The following ZMYM5 variants were observed in gnomAD, a reference collection of about 807,000 sequenced individuals.
ZMYM5 encodes the protein zinc finger MYM-type protein 5.
ZMYM5 carries 41 observed loss-of-function variants against 61.8 expected under a neutral mutation model. The ratio of observed to expected loss-of-function variants is 0.66; its 90% CI spans 0.52 to 0.86. The LOEUF (loss-of-function observed/expected upper bound fraction) is 0.86. Ranked by LOEUF, ZMYM5 falls within the 40% of genes least tolerant of loss-of-function variation. The pLI, the probability that ZMYM5 is intolerant of heterozygous loss-of-function variation, is 0.00. For missense variants in ZMYM5, 706 were observed against 786.7 expected, an observed-to-expected ratio of 0.90 and a Z score of 1.23; for synonymous variants, 257 against 276.4, an observed-to-expected ratio of 0.93 and a Z score of 0.70.
At chr13:19,861,189 C>T (rs866756867) in intron 2 of ZMYM5, among the ~76,000 whole-genome samples, 7 of 151,998 alleles carry the variant, frequency 4.6e-5, no homozygotes, top group Non-Finnish European at 8.8e-5. Context: ...CTCTTTGTTG[C>T]CCAGGCTGGA....
intron 2 of ZMYM5, among the ~76,000 whole-genome samples, chr13:19,860,627 G>A (rs551503608): frequency 8.6e-5 from 13 of 151,674 alleles, no homozygotes; most frequent in Non-Finnish European, 1.6e-4. Flanking sequence ...TAGTAGAGAC[G>A]GGGTTTCACC....
chr13:19,835,376 A>G, intron 7 of ZMYM5, 101 bp downstream of exon 7: 1 of 828,234 alleles, frequency 1.2e-6, no homozygotes, highest in Non-Finnish European at 1.7e-6. Flanking sequence ...AGAATGGCAA[A>G]ATGGAATTAA....
intron 6 of ZMYM5, among the ~76,000 whole-genome samples, chr13:19,836,494 G>A (rs1419240863): frequency 2.6e-5 from 4 of 152,018 alleles, no homozygotes; most frequent in African/African-American, 7.2e-5. Context: ...ACCCTGGCTG[G>A]AAAGCAGTGG....
intron 4 of ZMYM5, among the ~76,000 whole-genome samples, chr13:19,840,670 G>A (rs1231883666): frequency 2.0e-5 from 3 of 151,862 alleles, no homozygotes; most frequent in Non-Finnish European, 4.4e-5. Context: ...CACCACACCT[G>A]GCCACTTTTT....
chr13:19,859,963 A>G (rs150646989), intron 2 of ZMYM5, among the ~76,000 whole-genome samples: 1 of 149,208 alleles, frequency 6.7e-6, no homozygotes, highest in African/African-American at 2.4e-5. Flanking sequence ...CAATTAGCCA[A>G]CGTGGTGGCA....
At chr13:19,859,387 C>G (rs1284298190) in intron 2 of ZMYM5, among the ~76,000 whole-genome samples, 1 of 151,948 alleles carries the variant, frequency 6.6e-6, no homozygotes, top group Non-Finnish European at 1.5e-5. Flanking sequence ...TTTTAGTTCC[C>G]GTTTTTTGTT....
At chr13:19,850,235 A>C (rs1953238357) in intron 4 of ZMYM5, among the ~76,000 whole-genome samples, 1 of 152,218 alleles carries the variant, frequency 6.6e-6, no homozygotes, top group African/African-American at 2.4e-5. Flanking sequence ...CTAAAAATAC[A>C]GTTCCTTGAT....
chr13:19,835,432 A>C, intron 7 of ZMYM5, 45 bp downstream of exon 7: 1 of 1,243,920 alleles, frequency 8.0e-7, no homozygotes. Flanking sequence ...GTAAGGGTGA[A>C]GCTACTATAT....
At position 19,835,671 on chromosome 13, in the gene ZMYM5, C is replaced by G. The variant is rs566948933; in HGVS notation, c.1057G>C (p.Val353Leu). 1.5e-6 allele frequency: 2 copies of G among 1,367,396 alleles called. No individual in the cohort carries two copies. Among genetic ancestry groups the G allele is most frequent in the Non-Finnish European group, 2.0e-6 (2 of 1,021,806 alleles). 84.7% of individuals were successfully genotyped at this position (1,367,396 alleles called of 1,614,324 possible). Residue 353 changes from valine to leucine, a missense_variant, in exon 7 of 8, where the codon GTA (valine) becomes CTA (leucine). Physicochemically the swap from Val to Leu is conservative, Grantham distance 32. This residue lies in a region of ZMYM5 where 480 missense variants were observed against 461.7 expected (regional missense o/e 1.04). Transcript: ENST00000337963. The stretch of plus-strand genomic sequence containing the variant: ...CACAGTTTATGTGTTACATTATTTA[C>G]GCTGACTTCATGGCGAATCTAAAAG... ...KLAEIRHEVS[V>L]NNVTHKLCSN...
chr13:19,840,253 G>A (rs1267174877), intron 4 of ZMYM5, among the ~76,000 whole-genome samples: 4 of 152,174 alleles, frequency 2.6e-5, no homozygotes, highest in African/African-American at 9.6e-5. Flanking sequence ...AGCCTAGGCA[G>A]GGTGCAATGG....
chr13:19,843,199 C>T (rs1952942905), intron 4 of ZMYM5, among the ~76,000 whole-genome samples: 1 of 149,446 alleles, frequency 6.7e-6, no homozygotes, highest in African/African-American at 2.5e-5. Context: ...CTCACTGCAA[C>T]CTCCACCTCC....
intron 3 of ZMYM5, 74 bp downstream of exon 3, chr13:19,851,615 G>A: frequency 6.5e-7 from 1 of 1,543,538 alleles, no homozygotes; most frequent in Non-Finnish European, 8.7e-7. Flanking sequence ...TGTTTCTAAG[G>A]TTGTAACATT....
Position 19,851,357 on chromosome 13 carries a change from G to A in ZMYM5, c.584C>T (p.Pro195Leu). Residue 195 changes from proline (P) to leucine (L), a missense_variant and splice_region_variant, in exon 4 of 8, where the codon CCT becomes CTT. Pro to Leu is a moderately conservative substitution (Grantham distance 98, BLOSUM62 -3). Coordinates refer to ENST00000337963, the MANE Select transcript of ZMYM5 (RefSeq NM_001142684.2). Reference sequence around the variant, plus strand: ...AAACAGTATCACTTACTGCTTACCAGGACTATGATGAGTTGCAAATTCTCC... The same window carrying A: ...AAACAGTATCACTTACTGCTTACCAAGACTATGATGAGTTGCAAATTCTCC... ...QNGEFATHHS[P>L]DSWISQSASF... The A allele has an allele frequency of 6.2e-7, 1 of 1,613,364 alleles. No individual in the cohort carries two copies. Among genetic ancestry groups the A allele is most frequent in the Non-Finnish European group, 8.5e-7 (1 of 1,179,310 alleles).
intron 5 of ZMYM5, 103 bp downstream of exon 5, chr13:19,838,597 A>G: frequency 7.1e-7 from 1 of 1,418,148 alleles, no homozygotes; most frequent in Non-Finnish European, 9.6e-7. Context: ...CACTCCTGCA[A>G]CAATTCTACC....
In ZMYM5 at chr13:19,853,169, C is replaced by T. The variant is rs1953376020; in HGVS notation, c.-10-979G>A. Among the ~76,000 whole-genome samples the T allele has an allele frequency of 2.0e-5, 3 of 152,184 alleles. No homozygotes were observed. In the South Asian group the frequency reaches 6.2e-4, roughly 31 times the overall value. On this transcript the variant is annotated intron_variant, in intron 2 of 7. Coordinates refer to ENST00000337963, the MANE Select transcript of ZMYM5 (RefSeq NM_001142684.2). The stretch of plus-strand genomic sequence containing the variant: ...ACTTGGCCTAGCCCCAAATTCTTAA[C>T]TTGTTAACACTCAACCTTTTGTATA...
intron 2 of ZMYM5, 27 bp from the exon 3 acceptor site, chr13:19,852,217 AG>A: frequency 6.6e-7 from 1 of 1,509,598 alleles, no homozygotes; most frequent in Non-Finnish European, 8.8e-7. Flanking sequence ...GAAAAAAAAA[AG>A]TTCTAGTATG....
intron 2 of ZMYM5, among the ~76,000 whole-genome samples, chr13:19,853,437 C>T (rs920271098): frequency 2.0e-5 from 3 of 151,926 alleles, no homozygotes; most frequent in African/African-American, 7.3e-5. Flanking sequence ...TGGGATTATA[C>T]ATGCTGGCCT....
intron 2 of ZMYM5, among the ~76,000 whole-genome samples, chr13:19,861,203 T>C (rs963736978): frequency 9.9e-5 from 15 of 152,108 alleles, no homozygotes; most frequent in Admixed American, 7.2e-4. Context: ...GGCTGGAGTA[T>C]AGTGGTGTGA....
chr13:19,857,819 A>T (rs1953566619), intron 2 of ZMYM5, among the ~76,000 whole-genome samples: 2 of 150,742 alleles, frequency 1.3e-5, no homozygotes, highest in Admixed American at 6.6e-5. Flanking sequence ...GGAGTTCAAG[A>T]CCAGCCTGGG....
Sources: gnomAD v4.1 joint callset for allele counts (sites outside exome capture counted in the v4.1 genomes callset) on GRCh38, gnomAD v4.1.1 for gene constraint, gnomAD v4.1.1 regional missense constraint, MANE v1.5 for transcripts, NCBI Gene and HGNC (gene_info 2026-07-23, HGNC 2026-07-21) for gene names.